Variants in DLG1 observed in about 807,000 individuals in gnomAD.
DLG1 encodes discs large MAGUK scaffold protein 1.
In DLG1, 42 loss-of-function variants were observed where a neutral mutation model predicts 123.4. That is an observed-to-expected ratio of 0.34 (90% confidence interval 0.27 to 0.44). The LOEUF is 0.44. Ranked by LOEUF, DLG1 falls within the 20% of genes least tolerant of loss-of-function variation. DLG1 has a pLI of 1.00. For missense variants in DLG1, 942 were observed against 1,082.6 expected (o/e 0.87, Z 1.82); for synonymous variants, 317 against 356.2 (o/e 0.89, Z 1.24).
At chr3:197,111,347 A>G (rs567693203) in intron 13 of DLG1, among the ~76,000 whole-genome samples, 3 of 152,330 alleles carry the variant, frequency 2.0e-5, no homozygotes, top group African/African-American at 7.2e-5. Context: ...TGACCTATCT[A>G]AAGTGGTTCC....
chr3:197,205,489 A>G (rs919276386), intron 4 of DLG1, among the ~76,000 whole-genome samples: 2 of 152,208 alleles, frequency 1.3e-5, no homozygotes, highest in African/African-American at 4.8e-5. Context: ...AATATCAAAA[A>G]AGCATTTCAT....
chr3:197,120,512 A>C (rs921752711), intron 11 of DLG1, among the ~76,000 whole-genome samples: 3 of 152,232 alleles, frequency 2.0e-5, no homozygotes, highest in African/African-American at 7.2e-5. Flanking sequence ...AACTTTCTTG[A>C]GGCTTCAACT....
At chr3:197,210,289 A>C (rs1328441561) in intron 4 of DLG1, among the ~76,000 whole-genome samples, 1 of 144,996 alleles carries the variant, frequency 6.9e-6, no homozygotes, top group Non-Finnish European at 1.5e-5. Flanking sequence ...AGGGGAAGAG[A>C]AGGAAGGAAA....
At chr3:197,055,755 A>AT (rs1009459511) in intron 23 of DLG1, among the ~76,000 whole-genome samples, 13 of 151,910 alleles carry the variant, frequency 8.6e-5, no homozygotes, top group Non-Finnish European at 1.5e-4. Context: ...TTTACTTAAT[A>AT]TTTTTTCTTT....
intron 4 of DLG1, among the ~76,000 whole-genome samples, chr3:197,250,491 C>T (rs1386834448): frequency 6.6e-6 from 1 of 151,564 alleles, no homozygotes; most frequent in East Asian, 1.9e-4. Flanking sequence ...ATCAGTTGAA[C>T]CTGCAAGACA....
At chr3:197,053,957 C>T (rs760863081) in intron 23 of DLG1, among the ~76,000 whole-genome samples, 11 of 151,216 alleles carry the variant, frequency 7.3e-5, no homozygotes, top group Non-Finnish European at 1.5e-4. Context: ...CCAGGCGTGG[C>T]GGTGCATGTC....
intron 3 of DLG1, among the ~76,000 whole-genome samples, chr3:197,295,994 A>G (rs1193830905): frequency 6.6e-6 from 1 of 152,244 alleles, no homozygotes; most frequent in Non-Finnish European, 1.5e-5. Context: ...AACCCTTCAC[A>G]CGCTTTCAAT....
intron 4 of DLG1, among the ~76,000 whole-genome samples, chr3:197,222,536 C>T (rs531712682): frequency 1.2e-4 from 18 of 152,180 alleles, no homozygotes; most frequent in African/African-American, 3.6e-4. Flanking sequence ...TAGGTCTTCT[C>T]GTTTTCCACC....
chr3:197,280,510 T>C (rs961311465), intron 4 of DLG1, among the ~76,000 whole-genome samples: 1 of 152,196 alleles, frequency 6.6e-6, no homozygotes, highest in Non-Finnish European at 1.5e-5. Flanking sequence ...AGATACCCAC[T>C]AATGGGATTG....
At chr3:197,279,664 T>C (rs528256595) in intron 4 of DLG1, among the ~76,000 whole-genome samples, 1 of 152,314 alleles carries the variant, frequency 6.6e-6, no homozygotes, top group Admixed American at 6.5e-5. Flanking sequence ...TCAGGAGGTG[T>C]AGAAACCAGA....
chr3:197,213,828 G>A (rs779263064), intron 4 of DLG1, among the ~76,000 whole-genome samples: 3 of 152,108 alleles, frequency 2.0e-5, no homozygotes, highest in Non-Finnish European at 4.4e-5. Context: ...TATCAATACA[G>A]TTTTATTTGG....
intron 4 of DLG1, among the ~76,000 whole-genome samples, chr3:197,228,033 G>A (rs1046380297): frequency 6.6e-6 from 1 of 152,136 alleles, no homozygotes; most frequent in Non-Finnish European, 1.5e-5. Context: ...GTGCCTCAGA[G>A]GTGTCACCAA....
At chr3:197,091,877 T>C (rs1757912434) in intron 14 of DLG1, among the ~76,000 whole-genome samples, 2 of 152,178 alleles carry the variant, frequency 1.3e-5, no homozygotes, top group African/African-American at 4.8e-5. Context: ...TTTGTGTAGG[T>C]TAAGATGACA....
In DLG1 at chr3:197,044,629, C is replaced by G. The variant is rs760593370; in HGVS notation, c.2676G>C (p.Lys892Asn). ...AACAGAGAAACATGAGTTTTCATAG[C>G]TTTTCTTTTGCCGGAACCCAGATGT... ...GSYIWVPAKEKL is the reference protein window; with the variant it reads ...GSYIWVPAKENL Residue 892 changes from lysine (K) to asparagine (N), a missense_variant, in exon 25 of 25, where the codon AAG becomes AAC. Physicochemically the swap from Lys to Asn is moderately conservative, Grantham distance 94 (BLOSUM62 0). Transcript: ENST00000667157. 3.3e-5 allele frequency: 53 copies of G among 1,600,184 alleles called. No individual in the cohort carries two copies. Among genetic ancestry groups the G allele is most frequent in the Admixed American group, 5.1e-5 (3 of 58,612 alleles).
intron 5 of DLG1, among the ~76,000 whole-genome samples, chr3:197,167,657 T>A (rs1802092251): frequency 6.6e-6 from 1 of 152,220 alleles, no homozygotes. Context: ...TCTAACGTTA[T>A]TTTTAATTCA....
intron 24 of DLG1, among the ~76,000 whole-genome samples, chr3:197,045,568 C>T (rs1722380436): frequency 7.1e-6 from 1 of 141,456 alleles, no homozygotes; most frequent in Non-Finnish European, 1.6e-5. Flanking sequence ...TAGTGAGACC[C>T]TGTGTATTTA....
chr3:197,261,178 AG>A (rs1327883648), intron 4 of DLG1, among the ~76,000 whole-genome samples: 1 of 152,212 alleles, frequency 6.6e-6, no homozygotes, highest in Non-Finnish European at 1.5e-5. Context: ...CAAGATCATT[AG>A]GACTGGAGCT....
intron 4 of DLG1, among the ~76,000 whole-genome samples, chr3:197,273,855 A>AAAAAAC (rs1401566669): frequency 1.3e-5 from 2 of 150,206 alleles, no homozygotes; most frequent in East Asian, 3.9e-4. Context: ...CTACCAAAAA[A>AAAAAAC]AAAAAAAAAA....
chr3:197,164,661 G>C (rs964519123), intron 5 of DLG1, among the ~76,000 whole-genome samples: 1 of 151,618 alleles, frequency 6.6e-6, no homozygotes. Flanking sequence ...TAGCACTTTC[G>C]GAGGACGCGG....
Sources: gnomAD v4.1 joint callset for allele counts (sites outside exome capture counted in the v4.1 genomes callset) on GRCh38, gnomAD v4.1.1 for gene constraint, MANE v1.5 for transcripts, NCBI Gene and HGNC (gene_info 2026-07-23, HGNC 2026-07-21) for gene names.